The following CDH23 variants were observed in gnomAD, a reference collection of about 807,000 sequenced individuals.
CDH23 encodes cadherin related 23, also known as cadherin-23.
Under a neutral mutation model 317.1 loss-of-function variants are expected in CDH23, and 189 were observed. The ratio of observed to expected loss-of-function variants is 0.60; its 90% confidence interval spans 0.53 to 0.67. The LOEUF is 0.67. Among genes scored for constraint, CDH23 ranks in the 30% least tolerant of loss-of-function variants. CDH23 has a pLI of 0.00. For missense variants in CDH23, 4,401 were observed against 4,592.4 expected (o/e 0.96, Z 1.20); for synonymous variants, 1,839 against 1,876.8 (o/e 0.98, Z 0.52).
At chr10:71,763,457 T>A (rs1840450202) in intron 38 of CDH23, among the ~76,000 whole-genome samples, 1 of 152,202 alleles carries the variant, frequency 6.6e-6, no homozygotes, top group Admixed American at 6.5e-5. Flanking sequence ...TAATGCCACA[T>A]CCTCCTTCAG....
rs1841038142 is a variant in CDH23, at chr10:71,784,312, G to A, written c.5394G>A (p.Glu1798=). 1.2e-6 allele frequency: 2 copies of A among 1,613,856 alleles called. No homozygotes were observed. The highest frequency in any genetic ancestry group is 1.7e-6 in the Non-Finnish European group (2 of 1,179,788). ...GGGAGTTTGTGATCTCTCCTGTGGA[G>A]GGGGTGCTAAGGGTCCGGAAGGACG... ...PLGEFVISPV[E]GVLRVRKDVE... The change falls in exon 42 of 70, where the codon GAG becomes GAA. Residue 1798 remains glutamate, a synonymous_variant. Transcript: ENST00000224721.
At chr10:71,477,178 T>C (rs550177310) in intron 3 of CDH23, among the ~76,000 whole-genome samples, 36 of 152,310 alleles carry the variant, frequency 2.4e-4, no homozygotes, top group Admixed American at 5.2e-4. Flanking sequence ...TTTTTGTTTT[T>C]GTTTTTTTGA....
intron 11 of CDH23, among the ~76,000 whole-genome samples, chr10:71,636,187 G>A (rs1564701050): frequency 6.6e-6 from 1 of 152,074 alleles, no homozygotes; most frequent in Non-Finnish European, 1.5e-5. Flanking sequence ...CAGGAGAATG[G>A]GAGAGAGAGT....
intron 14 of CDH23, among the ~76,000 whole-genome samples, chr10:71,673,066 C>A (rs915598212): frequency 6.6e-6 from 1 of 152,182 alleles, no homozygotes; most frequent in Non-Finnish European, 1.5e-5. Flanking sequence ...TCTTCTGAGT[C>A]CTGCCTTCTT....
At chr10:71,640,752 T>A (rs1026104886) in intron 11 of CDH23, among the ~76,000 whole-genome samples, 1 of 151,712 alleles carries the variant, frequency 6.6e-6, no homozygotes, top group African/African-American at 2.4e-5. Flanking sequence ...AGACTCTGTC[T>A]GAAAAAAAAA....
chr10:71,531,714 T>C (rs1162402502), intron 6 of CDH23, among the ~76,000 whole-genome samples: 1 of 152,068 alleles, frequency 6.6e-6, no homozygotes, highest in Non-Finnish European at 1.5e-5. Flanking sequence ...TTCCTAGCCA[T>C]AGACAACACC....
At chr10:71,749,438 C>G (rs1354515461) in intron 38 of CDH23, 7 of 152,334 alleles carry the variant, frequency 4.6e-5, no homozygotes, top group African/African-American at 1.7e-4. Flanking sequence ...CTGCAAAGTG[C>G]TGGGAGGACA....
In CDH23 at chr10:71,779,627, A is replaced by G. The variant is rs12257980; in HGVS notation, c.5368+180A>G. On this transcript the variant is annotated intron_variant, in intron 41 of 69. Transcript: ENST00000224721. Reference sequence around the variant, plus strand: ...TAATCTTCTCCCACCTCTTATTCCCAGAGATGTGGCGAGAACACCCTATAA... The same window carrying G: ...TAATCTTCTCCCACCTCTTATTCCCGGAGATGTGGCGAGAACACCCTATAA... 6.5e-3 allele frequency among the ~76,000 whole-genome samples: 992 copies of G among 152,362 alleles called. 10 individuals carry two copies. Among genetic ancestry groups the G allele is most frequent in the African/African-American group, 0.023 (953 of 41,584 alleles).
chr10:71,645,690 T>C, intron 12 of CDH23, 141 bp from the exon 13 acceptor site: 1 of 945,974 alleles, frequency 1.1e-6, no homozygotes, highest in Admixed American at 1.7e-5. Flanking sequence ...GGGAAAGCCC[T>C]GCTCTGTCCC....
intron 14 of CDH23, among the ~76,000 whole-genome samples, chr10:71,669,431 A>C (rs918599355): frequency 6.7e-5 from 10 of 149,928 alleles, no homozygotes; most frequent in African/African-American, 2.0e-4. Context: ...CCCCTTGGTG[A>C]TCTGTCTCCC....
At chr10:71,497,825 A>G (rs758108997) in intron 3 of CDH23, among the ~76,000 whole-genome samples, 1 of 152,124 alleles carries the variant, frequency 6.6e-6, no homozygotes, top group African/African-American at 2.4e-5. Context: ...TCACCGGGCC[A>G]CCCAGCCCTG....
chr10:71,539,275 C>G (rs67368539), intron 6 of CDH23, among the ~76,000 whole-genome samples: 14,948 of 152,136 alleles, frequency 0.098, 957 homozygotes, highest in African/African-American at 0.17. Flanking sequence ...AGCCTAGGAC[C>G]CTCATGCCTG....
intron 10 of CDH23, among the ~76,000 whole-genome samples, chr10:71,616,512 C>T (rs905911705): frequency 2.0e-5 from 3 of 152,268 alleles, no homozygotes; most frequent in Non-Finnish European, 4.4e-5. Context: ...CCCAGCACCC[C>T]ACTGCGGGAC....
intron 48 of CDH23, 30 bp downstream of exon 48, chr10:71,793,670 C>T (rs1434837772): frequency 1.4e-6 from 2 of 1,456,608 alleles, no homozygotes; most frequent in Non-Finnish European, 1.9e-6. Flanking sequence ...TCCCACCTCC[C>T]TCCCAGCTCC....
At chr10:71,690,036 T>C (rs1865127780) in intron 19 of CDH23, among the ~76,000 whole-genome samples, 1 of 152,152 alleles carries the variant, frequency 6.6e-6, no homozygotes, top group East Asian at 1.9e-4. Context: ...TAAAAACCCT[T>C]ATAAATTCCC....
Position 71,510,952 on chromosome 10 carries a change from A to G in CDH23, c.289-2A>G, listed in dbSNP as rs781212798. The G allele has an allele frequency of 1.2e-6, 2 of 1,613,810 alleles. No individual in the cohort carries two copies. The highest frequency in any genetic ancestry group is 2.2e-5 in the East Asian group (1 of 44,866). On this transcript the variant is annotated splice_acceptor_variant, in intron 4 of 69. Coordinates refer to ENST00000224721, the MANE Select transcript of CDH23 (RefSeq NM_022124.6). LOFTEE classifies it high-confidence loss of function. ...CCCCTCCCTCTCTCACTTTTCTTTC[A>G]GACCAAGTCAGAGTTCACCGTGGAG...
chr10:71,744,286 C>A (rs1469892036), intron 38 of CDH23, among the ~76,000 whole-genome samples: 1 of 152,104 alleles, frequency 6.6e-6, no homozygotes, highest in Non-Finnish European at 1.5e-5. Flanking sequence ...CAACGCACCA[C>A]CCCCACTCCC....
At chr10:71,595,268 C>T (rs774810553) in intron 9 of CDH23, among the ~76,000 whole-genome samples, 2 of 152,138 alleles carry the variant, frequency 1.3e-5, no homozygotes, top group African/African-American at 2.4e-5. Context: ...GAGCCTCTGC[C>T]ATCCTATTTC....
chr10:71,463,034 G>A (rs933446436), intron 3 of CDH23, among the ~76,000 whole-genome samples: 5 of 152,178 alleles, frequency 3.3e-5, no homozygotes, highest in East Asian at 1.9e-4. Context: ...AATGAAAATC[G>A]CTTCATTGAA....
Sources: gnomAD v4.1 joint callset for allele counts (sites outside exome capture counted in the v4.1 genomes callset) on GRCh38, gnomAD v4.1.1 for gene constraint, MANE v1.5 for transcripts, NCBI Gene and HGNC (gene_info 2026-07-23, HGNC 2026-07-21) for gene names.